The following MRPL23 variants were observed in gnomAD, a reference collection of about 807,000 sequenced individuals.
MRPL23 encodes the protein large ribosomal subunit protein uL23m.
For missense variants in MRPL23, 25 were observed against 81.3 expected (o/e 0.31, Z 2.66); for synonymous variants, 12 against 34.8 (o/e 0.35, Z 2.30).
In MRPL23 at chr11:1,954,533, C is replaced by CGTGGTG. The variant is rs113515433; in HGVS notation, c.297+1682_297+1683insTGGTGG. ...GCCGCTGTGGAAAGGCCCTGTCCCACGTGGCGGGAGTCCCACATTTCTTTC... is the reference window on the plus strand; with the variant it reads ...GCCGCTGTGGAAAGGCCCTGTCCCACGTGGTGGTGGCGGGAGTCCCACATTTCTTTC... On this transcript the variant is annotated intron_variant, in intron 4 of 4. Transcript: ENST00000397298. Among the ~76,000 whole-genome samples, 9 of 6,878 alleles carry CGTGGTG rather than the reference C, an allele frequency of 1.3e-3. 2 individuals are homozygous for CGTGGTG. Among genetic ancestry groups the CGTGGTG allele is most frequent in the Admixed American group, 3.8e-3 (1 of 266 alleles). 4.5% of individuals were successfully genotyped at this position (6,878 alleles called of 152,430 possible). A position where few individuals can be genotyped will look rare whatever the true frequency, so the allele number is the denominator to read the frequency against.
chr11:1,990,468 C>G, the MRPL23 span, among the ~76,000 whole-genome samples: 1 of 144,012 alleles, frequency 6.9e-6, no homozygotes, highest in Non-Finnish European at 1.5e-5. Context: ...GCTCCTTGCT[C>G]CCCCGTCTGT....
At chr11:1,959,959 C>T (rs1856462910), downstream of MRPL23, among the ~76,000 whole-genome samples, 1 of 131,660 alleles carries the variant, frequency 7.6e-6, no homozygotes. Context: ...GAGCCGACAG[C>T]GCTGCTCCGT....
intron 5 of MRPL23, chr11:1,984,267 C>T (rs572565286): frequency 1.1e-4 from 1 of 8,794 alleles, no homozygotes. Flanking sequence ...ATCCGCCTGA[C>T]GCGGAAGTGG....
chr11:1,983,693 C>T lies in MRPL23; in HGVS notation c.498-745C>T, dbSNP rs568833275. 15 of 144,976 alleles carry T rather than the reference C, an allele frequency of 1.0e-4. 1 individual carries two copies. The highest frequency in any genetic ancestry group is 3.7e-4 in the African/African-American group (15 of 40,168). 9.0% of individuals were successfully genotyped at this position (144,976 alleles called of 1,614,324 possible). A position where few individuals can be genotyped will look rare whatever the true frequency, so the allele number is the denominator to read the frequency against. On this transcript the variant is annotated intron_variant, in intron 5 of 5. Coordinates refer to the MRPL23 transcript ENST00000397297. ...CTGGGAGCGGGTGGGGCCCCTCCTCCTCCTGAGCTGTAAGGTTTTTCTTCC... is the reference window on the plus strand; with the variant it reads ...CTGGGAGCGGGTGGGGCCCCTCCTCTTCCTGAGCTGTAAGGTTTTTCTTCC...
the MRPL23 span, among the ~76,000 whole-genome samples, chr11:1,994,244 C>A: frequency 1.0e-5 from 1 of 96,582 alleles, no homozygotes; most frequent in Admixed American, 1.0e-4. Flanking sequence ...GGGGCTGCCC[C>A]TTGTGTTCCC....
the MRPL23 span, chr11:1,993,196 A>C: frequency 1.7e-3 from 168 of 96,534 alleles, 11 homozygotes; most frequent in African/African-American, 4.8e-3. Flanking sequence ...GGGGGCCACC[A>C]AGAGGCCTGT....
chr11:1,989,001 G>A (rs1460503056), downstream of MRPL23, among the ~76,000 whole-genome samples: 1 of 141,184 alleles, frequency 7.1e-6, no homozygotes, highest in Non-Finnish European at 1.6e-5. Context: ...CCAGCCCCTG[G>A]CGGCCCAGAT....
intron 1 of MRPL23, among the ~76,000 whole-genome samples, chr11:1,950,342 C>G (rs1254457249): frequency 4.9e-4 from 1 of 2,036 alleles, no homozygotes; most frequent in African/African-American, 9.2e-4. Context: ...CAACACACGT[C>G]TTTGAGCCTT....
the MRPL23 span, among the ~76,000 whole-genome samples, chr11:1,991,550 T>TCTCACA: frequency 4.4e-5 from 3 of 67,824 alleles, no homozygotes; most frequent in East Asian, 3.5e-4. Context: ...TTGTCAGGCA[T>TCTCACA]CACACACACA....
chr11:1,994,640 C>A, the MRPL23 span, among the ~76,000 whole-genome samples: 41 of 86,834 alleles, frequency 4.7e-4, 12 homozygotes, highest in Admixed American at 4.1e-3. Flanking sequence ...CGGCTCCCAC[C>A]CACAGCAAAA....
At chr11:1,988,796 C>A (rs1269697718), downstream of MRPL23, among the ~76,000 whole-genome samples, 7 of 143,024 alleles carry the variant, frequency 4.9e-5, 1 homozygote, top group Admixed American at 1.4e-4. Context: ...ATGCTGTGAC[C>A]TTTCCAGGGC....
the MRPL23 span, among the ~76,000 whole-genome samples, chr11:1,991,550 TCACACACACA>T: frequency 0.079 from 5,372 of 67,798 alleles, 565 homozygotes; most frequent in African/African-American, 0.18. Context: ...TTGTCAGGCA[TCACACACACA>T]CACACACACA....
downstream of MRPL23, among the ~76,000 whole-genome samples, chr11:1,964,184 C>T (rs75389645): frequency 5.8e-5 from 5 of 86,908 alleles, no homozygotes; most frequent in East Asian, 1.1e-3. Flanking sequence ...TCACAGATGC[C>T]GAGTGAGGCC....
At chr11:1,988,786 A>G (rs1230889135), downstream of MRPL23, among the ~76,000 whole-genome samples, 4 of 140,932 alleles carry the variant, frequency 2.8e-5, 1 homozygote, top group Non-Finnish European at 6.3e-5. Flanking sequence ...CCGCTCAAAC[A>G]TGCTGTGACC....
chr11:1,988,687 C>G (rs1564858385), downstream of MRPL23, among the ~76,000 whole-genome samples: 4 of 126,250 alleles, frequency 3.2e-5, 1 homozygote, highest in Non-Finnish European at 6.9e-5. Flanking sequence ...CCAGTGGCTC[C>G]CTCCCTCCCA....
rs1168622268 is a variant in MRPL23 at position 1,950,707 on chromosome 11, C to T, written c.18-192C>T. ...CCCACCACTGTTGGGAGTGGACACG[C>T]GGGGGTCTGCAGGGTTAGCTACCCC... is the stretch of plus-strand genomic sequence containing the variant. On this transcript the variant is annotated intron_variant, in intron 1 of 4. Transcript: ENST00000397298. Among the ~76,000 whole-genome samples the T allele has an allele frequency of 6.2e-5, 2 of 32,296 alleles. 1 individual carries two copies. Among genetic ancestry groups the T allele is most frequent in the African/African-American group, 1.3e-4 (2 of 15,156 alleles). 21.2% of individuals were successfully genotyped at this position (32,296 alleles called of 152,430 possible).
chr11:1,960,035 G>A (rs773207459), downstream of MRPL23, among the ~76,000 whole-genome samples: 4 of 118,536 alleles, frequency 3.4e-5, no homozygotes, highest in East Asian at 2.5e-4. Context: ...GCCATGCTGC[G>A]TGCATGGGAA....
chr11:1,991,688 G>A, the MRPL23 span, among the ~76,000 whole-genome samples: 617 of 132,652 alleles, frequency 4.7e-3, 41 homozygotes, highest in East Asian at 0.1. Flanking sequence ...TGACCTCCTG[G>A]CCCCCATGTT....
downstream of MRPL23, among the ~76,000 whole-genome samples, chr11:1,958,091 C>T (rs1447665380): frequency 7.2e-6 from 1 of 137,968 alleles, no homozygotes; most frequent in Non-Finnish European, 1.6e-5. Flanking sequence ...TTGGGTTTGC[C>T]GTGTAAGCCT....
Sources: allele counts gnomAD v4.1 joint callset (sites outside exome capture counted in the v4.1 genomes callset), GRCh38; gene constraint gnomAD v4.1.1; transcripts MANE v1.5; gene names NCBI Gene and HGNC (gene_info 2026-07-23, HGNC 2026-07-21).